HS3ST5: variants seen among roughly 807,000 people sequenced by gnomAD.
The protein encoded by HS3ST5 is heparan sulfate glucosamine 3-O-sulfotransferase 5.
HS3ST5 carries 10 observed loss-of-function variants against 25.4 expected under a neutral mutation model. The observed-to-expected ratio is 0.39, with a 90% confidence interval of 0.24 to 0.67. The LOEUF (loss-of-function observed/expected upper bound fraction) is 0.67, where lower values mean the gene tolerates loss of function less well. Ranked by LOEUF, HS3ST5 falls within the 30% of genes least tolerant of loss-of-function variation. The pLI is 0.44. For synonymous variants in HS3ST5, 170 were observed against 162.4 expected (o/e 1.05, Z -0.36); for missense variants, 324 against 420.7 (o/e 0.77, Z 2.01).
At chr6:114,068,108 A>G (rs1461214612) in intron 3 of HS3ST5, among the ~76,000 whole-genome samples, 1 of 152,206 alleles carries the variant, frequency 6.6e-6, no homozygotes, top group South Asian at 2.1e-4. Flanking sequence ...TAAACAGTAT[A>G]CGGAATTATG....
chr6:114,157,372 T>G (rs552280242), intron 3 of HS3ST5, among the ~76,000 whole-genome samples: 1 of 152,366 alleles, frequency 6.6e-6, no homozygotes, highest in African/African-American at 2.4e-5. Context: ...CATTCACATT[T>G]AAATCCATTT....
At chr6:114,311,541 T>TTC (rs1775534264) in intron 1 of HS3ST5, among the ~76,000 whole-genome samples, 1 of 69,344 alleles carries the variant, frequency 1.4e-5, no homozygotes, top group Non-Finnish European at 3.7e-5. Flanking sequence ...CTCTCTCTCT[T>TTC]TTTTTTTTTT....
intron 3 of HS3ST5, among the ~76,000 whole-genome samples, chr6:114,146,621 G>T (rs533642419): frequency 1.3e-5 from 2 of 152,304 alleles, no homozygotes; most frequent in African/African-American, 4.8e-5. Context: ...ATTCACTCCT[G>T]CCCAAATCTC....
At chr6:114,304,503 A>C (rs1459469988) in intron 1 of HS3ST5, among the ~76,000 whole-genome samples, 1 of 152,086 alleles carries the variant, frequency 6.6e-6, no homozygotes, top group Non-Finnish European at 1.5e-5. Context: ...AGCTCCCTCT[A>C]GTGGCAAAAG....
intron 1 of HS3ST5, among the ~76,000 whole-genome samples, chr6:114,315,792 G>T (rs972263914): frequency 9.2e-5 from 14 of 152,134 alleles, no homozygotes; most frequent in African/African-American, 3.1e-4. Flanking sequence ...TCTTCAGGAA[G>T]AGAAAAAATT....
chr6:114,113,728 T>G (rs1458327493), intron 3 of HS3ST5, among the ~76,000 whole-genome samples: 2 of 151,970 alleles, frequency 1.3e-5, no homozygotes, highest in Non-Finnish European at 2.9e-5. Flanking sequence ...TGGCATATAG[T>G]GTTTCAATAA....
chr6:114,120,187 C>A (rs116820919), intron 3 of HS3ST5, among the ~76,000 whole-genome samples: 2,602 of 151,810 alleles, frequency 0.017, 32 homozygotes, highest in Non-Finnish European at 0.022. Flanking sequence ...ACAAAAAAAA[C>A]CCCAAATAAA....
At chr6:114,172,726 C>T (rs1305548313) in intron 2 of HS3ST5, among the ~76,000 whole-genome samples, 1 of 152,176 alleles carries the variant, frequency 6.6e-6, no homozygotes, top group Non-Finnish European at 1.5e-5. Flanking sequence ...CAGTGAAATG[C>T]AGTTAACTGC....
intron 2 of HS3ST5, among the ~76,000 whole-genome samples, chr6:114,218,229 C>T (rs1343646274): frequency 6.6e-6 from 1 of 152,134 alleles, no homozygotes; most frequent in Non-Finnish European, 1.5e-5. Flanking sequence ...AACCCCTGAC[C>T]TCAGATGATC....
At chr6:114,193,346 C>G (rs1218368949) in intron 2 of HS3ST5, among the ~76,000 whole-genome samples, 3 of 152,104 alleles carry the variant, frequency 2.0e-5, no homozygotes, top group Admixed American at 6.5e-5. Flanking sequence ...ATATAGGAAC[C>G]ATATTTTGAA....
At chr6:114,322,013 C>T (rs928718265) in intron 1 of HS3ST5, among the ~76,000 whole-genome samples, 6 of 152,054 alleles carry the variant, frequency 3.9e-5, no homozygotes, top group Non-Finnish European at 8.8e-5. Context: ...ATTTAGATTA[C>T]CATAGTATGT....
At position 114,206,398 on chromosome 6, in the gene HS3ST5, C is replaced by T. The variant is rs190778795; in HGVS notation, c.-145+22187G>A. ...CAAATTGCATCTTATTCATCTATAA[C>T]ATTGCTCAGTAATAAAAATATGGTA... On this transcript the variant is annotated intron_variant, in intron 2 of 4. Coordinates refer to ENST00000312719, the MANE Select transcript of HS3ST5 (RefSeq NM_153612.4). Among the ~76,000 whole-genome samples, 45 of 152,234 alleles carry T rather than the reference C, an allele frequency of 3.0e-4. No individual in the cohort carries two copies. The East Asian group carries it at 5.0e-3, about 17-fold the overall frequency.
At chr6:114,118,291 GA>G (rs1056534406) in intron 3 of HS3ST5, among the ~76,000 whole-genome samples, 2 of 151,596 alleles carry the variant, frequency 1.3e-5, no homozygotes, top group African/African-American at 4.8e-5. Context: ...ATTTTCAGCG[GA>G]AAAAAAATGG....
intron 1 of HS3ST5, among the ~76,000 whole-genome samples, chr6:114,271,249 G>A (rs1773626917): frequency 6.6e-6 from 1 of 151,972 alleles, no homozygotes; most frequent in Non-Finnish European, 1.5e-5. Context: ...AATTGATCAT[G>A]GAGACCAAAT....
intron 1 of HS3ST5, among the ~76,000 whole-genome samples, chr6:114,265,536 C>G (rs896571646): frequency 6.6e-6 from 1 of 152,058 alleles, no homozygotes; most frequent in Non-Finnish European, 1.5e-5. Flanking sequence ...TGGCAATAAT[C>G]CAGTCAAAGA....
intron 1 of HS3ST5, among the ~76,000 whole-genome samples, chr6:114,241,766 A>G (rs894332180): frequency 1.3e-5 from 2 of 152,186 alleles, no homozygotes; most frequent in South Asian, 4.1e-4. Flanking sequence ...GGGGGTGTAT[A>G]ATAGAGAACT....
chr6:114,300,307 T>C (rs1182034588), intron 1 of HS3ST5, among the ~76,000 whole-genome samples: 1 of 152,058 alleles, frequency 6.6e-6, no homozygotes, highest in Non-Finnish European at 1.5e-5. Context: ...ATACTTTAAA[T>C]ATACAAAAAA....
At chr6:114,134,012 G>A (rs369706601) in intron 3 of HS3ST5, among the ~76,000 whole-genome samples, 1 of 152,082 alleles carries the variant, frequency 6.6e-6, no homozygotes, top group Non-Finnish European at 1.5e-5. Flanking sequence ...GGCGGGGAGC[G>A]GTAGTGGGAG....
At chr6:114,241,156 C>G (rs1482341172) in intron 1 of HS3ST5, among the ~76,000 whole-genome samples, 1 of 75,114 alleles carries the variant, frequency 1.3e-5, no homozygotes, top group Non-Finnish European at 2.6e-5. Context: ...TTTTTTTTTA[C>G]TATAATACAA....
Sources: allele counts gnomAD v4.1 joint callset (sites outside exome capture counted in the v4.1 genomes callset), GRCh38; gene constraint gnomAD v4.1.1; transcripts MANE v1.5; gene names NCBI Gene and HGNC (gene_info 2026-07-23, HGNC 2026-07-21).